TPST1: variants seen among roughly 807,000 people sequenced by gnomAD.
The protein encoded by TPST1 is protein-tyrosine sulfotransferase 1.
Under a neutral mutation model 34.8 loss-of-function variants are expected in TPST1, and 20 were observed. The observed-to-expected ratio is 0.57, with a 90% CI of 0.40 to 0.84. The LOEUF (loss-of-function observed/expected upper bound fraction) is 0.84, where lower values mean the gene tolerates loss of function less well. TPST1 is among the 40% of genes least tolerant of loss of function. The pLI, the probability that TPST1 is intolerant of heterozygous loss-of-function variation, is 0.00. For missense variants in TPST1, 353 were observed against 455.5 expected (o/e 0.78, Z 2.05); for synonymous variants, 152 against 159.4 (o/e 0.95, Z 0.35).
intron 2 of TPST1, among the ~76,000 whole-genome samples, chr7:66,279,980 C>T (rs137998152): frequency 4.6e-5 from 7 of 152,316 alleles, no homozygotes; most frequent in African/African-American, 9.6e-5. Flanking sequence ...TCAGGACTCT[C>T]CTATGGGGAA....
At chr7:66,355,813 G>A (rs1046996135) in intron 4 of TPST1, among the ~76,000 whole-genome samples, 29 of 150,656 alleles carry the variant, frequency 1.9e-4, no homozygotes, top group Non-Finnish European at 1.5e-4. Context: ...GCTGAGGCAG[G>A]AGAATTGCTT....
rs781143996 is a variant in TPST1, at chr7:66,327,179, A to T, written c.1045-25326A>T. 2.0e-4 allele frequency among the ~76,000 whole-genome samples: 30 copies of T among 152,166 alleles called. 1 individual carries two copies. The highest frequency in any genetic ancestry group is 1.0e-4 in the Non-Finnish European group (7 of 68,030). On this transcript the variant is annotated intron_variant, in intron 3 of 5. Coordinates refer to ENST00000304842, the MANE Select transcript of TPST1 (RefSeq NM_003596.4). ...AAGGGGAATGTTTATTGCATTATTTAAAAATAATAAATTATATTACTAAAT... is the reference window on the plus strand; with the variant it reads ...AAGGGGAATGTTTATTGCATTATTTTAAAATAATAAATTATATTACTAAAT...
chr7:66,353,116 A>G (rs895987003), intron 4 of TPST1, among the ~76,000 whole-genome samples: 1 of 152,190 alleles, frequency 6.6e-6, no homozygotes, highest in Non-Finnish European at 1.5e-5. Context: ...GGAGTTCAAG[A>G]CCAGCATGGC....
chr7:66,350,581 G>A (rs572933940), intron 3 of TPST1, among the ~76,000 whole-genome samples: 15 of 152,220 alleles, frequency 9.9e-5, no homozygotes, highest in African/African-American at 3.6e-4. Flanking sequence ...AAAAAAAAGT[G>A]TGTTCATTCT....
intron 1 of TPST1, among the ~76,000 whole-genome samples, chr7:66,231,102 A>G (rs1328851073): frequency 7.0e-6 from 1 of 142,656 alleles, no homozygotes; most frequent in Non-Finnish European, 1.5e-5. Context: ...AGGTTCTCCA[A>G]GGCCCCACCA....
In TPST1 at chr7:66,360,053, A is replaced by C. The variant is rs1792660751; in HGVS notation, c.*188A>C. On this transcript the variant is annotated 3_prime_UTR_variant, in exon 6 of 6. Coordinates refer to ENST00000304842, the MANE Select transcript of TPST1 (RefSeq NM_003596.4). ...TGTCCGCACAGCTTTGGGCCTCGTG[A>C]GGGATCTGCCTCCTGAGCAAAGAGC... 4.6e-6 allele frequency: 2 copies of C among 436,938 alleles called. No individual in the cohort carries two copies. Among genetic ancestry groups the C allele is most frequent in the South Asian group, 3.2e-5 (2 of 62,702 alleles). 27.1% of individuals were successfully genotyped at this position (436,938 alleles called of 1,614,324 possible). A position where few individuals can be genotyped will look rare whatever the true frequency, so the allele number is the denominator to read the frequency against.
At chr7:66,286,853 AT>A in intron 3 of TPST1, 144 bp downstream of exon 3, 1 of 412,466 alleles carries the variant, frequency 2.4e-6, no homozygotes, top group Non-Finnish European at 3.4e-6. Flanking sequence ...ATTTTATTTT[AT>A]TTTATTTTTT....
intron 2 of TPST1, among the ~76,000 whole-genome samples, chr7:66,279,301 T>G (rs1259260075): frequency 1.3e-5 from 2 of 152,240 alleles, no homozygotes; most frequent in South Asian, 2.1e-4. Flanking sequence ...ATGGTGTATA[T>G]CTACCACATT....
At chr7:66,227,824 C>A (rs895954562) in intron 1 of TPST1, among the ~76,000 whole-genome samples, 6 of 152,094 alleles carry the variant, frequency 3.9e-5, no homozygotes, top group African/African-American at 1.4e-4. Flanking sequence ...CTTCACCCTC[C>A]CTTACCTAAC....
intron 3 of TPST1, among the ~76,000 whole-genome samples, chr7:66,345,104 G>A (rs1278284677): frequency 6.6e-6 from 1 of 151,960 alleles, no homozygotes; most frequent in Non-Finnish European, 1.5e-5. Flanking sequence ...AAGAGAGAAA[G>A]GAATAGAAGA....
In TPST1 at chr7:66,234,400, T is replaced by TACACACACACACACACACACACACAC. The variant is rs56139529; in HGVS notation, c.-101-5919_-101-5894dup. The stretch of plus-strand genomic sequence containing the variant: ...CAAGCTTGAAAAATAAAAGCATGGC[T>TACACACACACACACACACACACACAC]ACACACACACACACACACACACACA... On this transcript the variant is annotated intron_variant, in intron 1 of 5. Transcript: ENST00000304842. Among the ~76,000 whole-genome samples, 115 of 142,946 alleles carry TACACACACACACACACACACACACAC rather than the reference T, an allele frequency of 8.0e-4. 2 individuals are homozygous for TACACACACACACACACACACACACAC. The highest frequency in any genetic ancestry group is 1.1e-3 in the Non-Finnish European group (73 of 65,610). 93.8% of individuals were successfully genotyped at this position (142,946 alleles called of 152,430 possible).
At position 66,211,280 on chromosome 7, in the gene TPST1, A is replaced by G. The variant is rs563805341; in HGVS notation, c.-102+5758A>G. On this transcript the variant is annotated intron_variant, in intron 1 of 5. Coordinates refer to ENST00000304842, the MANE Select transcript of TPST1 (RefSeq NM_003596.4). ...CTCCTGAGTAGCTGAGATTGCAGGC[A>G]TGCACCACTACGCCCAGCTAATTTT... is the stretch of plus-strand genomic sequence containing the variant. Among the ~76,000 whole-genome samples the G allele has an allele frequency of 5.3e-5, 8 of 152,216 alleles. 1 individual carries two copies. In the South Asian group the frequency reaches 1.7e-3, roughly 32 times the overall value.
At chr7:66,294,558 C>A (rs1480981507) in intron 3 of TPST1, among the ~76,000 whole-genome samples, 2 of 151,092 alleles carry the variant, frequency 1.3e-5, no homozygotes, top group African/African-American at 4.8e-5. Context: ...CATATGAGGG[C>A]AAATTAAAAA....
chr7:66,328,626 C>CCT (rs1791920262), intron 3 of TPST1, among the ~76,000 whole-genome samples: 1 of 151,526 alleles, frequency 6.6e-6, no homozygotes, highest in Admixed American at 6.6e-5. Context: ...CTCACTGCAA[C>CCT]CTCTGCCTCT....
Position 66,281,503 on chromosome 7 carries a change from G to A in TPST1, c.846-5008G>A, listed in dbSNP as rs181144252. Among the ~76,000 whole-genome samples the A allele has an allele frequency of 2.1e-3, 325 of 152,148 alleles. 2 individuals carry two copies. The highest frequency in any genetic ancestry group is 7.7e-3 in the African/African-American group (318 of 41,518). On this transcript the variant is annotated intron_variant, in intron 2 of 5. Transcript: ENST00000304842. ...GGTTTTTTAGTACTAATTCAATTTAGGAACTCATTATTGGTCTGTAGAACA... is the reference window on the plus strand; with the variant it reads ...GGTTTTTTAGTACTAATTCAATTTAAGAACTCATTATTGGTCTGTAGAACA...
intron 3 of TPST1, among the ~76,000 whole-genome samples, chr7:66,338,166 CAAAAAA>C (rs1792160283): frequency 6.6e-6 from 1 of 151,258 alleles, no homozygotes; most frequent in East Asian, 1.9e-4. Context: ...AAATGGAAAC[CAAAAAA>C]GAGCAAGAGA....
At chr7:66,315,561 G>C (rs1791616423) in intron 3 of TPST1, among the ~76,000 whole-genome samples, 1 of 152,208 alleles carries the variant, frequency 6.6e-6, no homozygotes, top group Admixed American at 6.5e-5. Flanking sequence ...GGGAATGGTA[G>C]TATAACCAGC....
intron 1 of TPST1, among the ~76,000 whole-genome samples, chr7:66,235,776 CATCA>C (rs558141298): frequency 1.1e-3 from 161 of 152,194 alleles, no homozygotes; most frequent in African/African-American, 3.6e-3. Flanking sequence ...AGACATGAGA[CATCA>C]ATCAATATAT....
At chr7:66,241,956 T>C (rs1002269065) in intron 2 of TPST1, among the ~76,000 whole-genome samples, 5 of 152,206 alleles carry the variant, frequency 3.3e-5, no homozygotes, top group African/African-American at 1.2e-4. Context: ...ATATAACCTC[T>C]CTTATTTTTT....
Sources: gnomAD v4.1 joint callset for allele counts (sites outside exome capture counted in the v4.1 genomes callset) on GRCh38, gnomAD v4.1.1 for gene constraint, MANE v1.5 for transcripts, NCBI Gene and HGNC (gene_info 2026-07-23, HGNC 2026-07-21) for gene names.